The following ZNF91 variants were observed in gnomAD, a reference collection of about 807,000 sequenced individuals.
ZNF91 encodes zinc finger protein 91 (HPF7, HTF10).
Under a neutral mutation model 12.6 loss-of-function variants are expected in ZNF91, and 7 were observed. That is an observed-to-expected ratio of 0.55 (90% CI 0.31 to 1.04). The LOEUF (loss-of-function observed/expected upper bound fraction) is 1.04. ZNF91 is among the 50% of genes least tolerant of loss of function. ZNF91 has a pLI of 0.05. For missense variants in ZNF91, 1,217 were observed against 1,385.4 expected, an observed-to-expected ratio of 0.88 and a Z score of 1.93; for synonymous variants, 453 against 462.6, an observed-to-expected ratio of 0.98 and a Z score of 0.27.
At chr19:23,329,682 C>G (rs1385340300) in intron 1 of ZNF91, among the ~76,000 whole-genome samples, 1 of 152,184 alleles carries the variant, frequency 6.6e-6, no homozygotes, top group Non-Finnish European at 1.5e-5. Flanking sequence ...CTGGTGATGA[C>G]AGACTTTCTA....
rs561749000 is a variant in ZNF91, at chr19:23,350,841, T to A, written c.254-11787A>T. Reference sequence around the variant, plus strand: ...GGGACACTTCCTTTTTACAGAGGACTATAAAACCCCTGCCCTGTCCTTACT... The same window carrying A: ...GGGACACTTCCTTTTTACAGAGGACAATAAAACCCCTGCCCTGTCCTTACT... On this transcript the variant is annotated intron_variant, in intron 3 of 3. Coordinates refer to the ZNF91 transcript ENST00000599743. Among the ~76,000 whole-genome samples the A allele has an allele frequency of 1.5e-3, 232 of 152,230 alleles. 1 individual carries two copies. The highest frequency in any genetic ancestry group is 2.3e-3 in the Non-Finnish European group (155 of 68,026).
intron 1 of ZNF91, 122 bp from the exon 2 acceptor site, chr19:23,374,886 T>A: frequency 6.9e-7 from 1 of 1,459,534 alleles, no homozygotes; most frequent in Non-Finnish European, 9.2e-7. Context: ...TGGCTGAAAT[T>A]ATCCAATAAA....
chr19:23,354,506 C>A (rs751223253), downstream of ZNF91, among the ~76,000 whole-genome samples: 19 of 152,096 alleles, frequency 1.2e-4, no homozygotes, highest in Non-Finnish European at 2.4e-4. Flanking sequence ...AAGCCCACAG[C>A]CAACATAATA....
intron 1 of ZNF91, among the ~76,000 whole-genome samples, chr19:23,394,936 A>G (rs1970183311): frequency 6.6e-6 from 1 of 152,180 alleles, no homozygotes; most frequent in Non-Finnish European, 1.5e-5. Context: ...AATTTTTAAT[A>G]GAAAAAAAGA....
chr19:23,349,904 G>A (rs1968322207), intron 3 of ZNF91, among the ~76,000 whole-genome samples: 1 of 152,212 alleles, frequency 6.6e-6, no homozygotes, highest in Non-Finnish European at 1.5e-5. Flanking sequence ...CAGGATGAAT[G>A]GCCTCCGCAA....
chr19:23,316,412 C>T (rs540820592), intron 1 of ZNF91, among the ~76,000 whole-genome samples: 72 of 152,306 alleles, frequency 4.7e-4, no homozygotes, highest in Middle Eastern at 6.8e-3. Context: ...TTGGGCCTTG[C>T]CCACAGAAAG....
chr19:23,345,966 C>T (rs1048609201), intron 3 of ZNF91, among the ~76,000 whole-genome samples: 10 of 152,088 alleles, frequency 6.6e-5, no homozygotes, highest in Middle Eastern at 3.2e-3. Context: ...TCAGCAGGAA[C>T]CACTTCCAGG....
intron 1 of ZNF91, among the ~76,000 whole-genome samples, chr19:23,394,721 C>G (rs1355128804): frequency 3.9e-5 from 6 of 152,096 alleles, no homozygotes; most frequent in Non-Finnish European, 8.8e-5. Context: ...GAGCAAAACT[C>G]CTTTTCAAAA....
At chr19:23,342,316 A>G (rs1968141805) in intron 3 of ZNF91, 1 of 401,462 alleles carries the variant, frequency 2.5e-6, no homozygotes, top group Admixed American at 3.7e-5. Flanking sequence ...CCAGTTACCA[A>G]CCTAGTACTA....
chr19:23,370,206 AG>A (rs1273990098), intron 3 of ZNF91, among the ~76,000 whole-genome samples: 2 of 152,026 alleles, frequency 1.3e-5, no homozygotes, highest in East Asian at 3.9e-4. Context: ...GATACAACGG[AG>A]TATTATTCAA....
chr19:23,367,575 G>A (rs1458247838), intron 3 of ZNF91, among the ~76,000 whole-genome samples: 2 of 152,052 alleles, frequency 1.3e-5, no homozygotes, highest in African/African-American at 4.8e-5. Context: ...TTAAAATTTT[G>A]TTACGAACTA....
downstream of ZNF91, among the ~76,000 whole-genome samples, chr19:23,356,288 C>T (rs575716038): frequency 9.2e-5 from 14 of 151,902 alleles, 1 homozygote; most frequent in South Asian, 2.5e-3. Flanking sequence ...GGAATTAACG[C>T]GTGGGTAAAG....
At chr19:23,383,834 G>A (rs1969793168) in intron 1 of ZNF91, among the ~76,000 whole-genome samples, 1 of 152,168 alleles carries the variant, frequency 6.6e-6, no homozygotes, top group Non-Finnish European at 1.5e-5. Flanking sequence ...GCATTTGGCT[G>A]GATGCAGTGG....
intron 1 of ZNF91, among the ~76,000 whole-genome samples, chr19:23,320,164 G>A (rs969802829): frequency 1.3e-5 from 2 of 152,192 alleles, no homozygotes; most frequent in African/African-American, 2.4e-5. Context: ...TCAGTCATAT[G>A]TGAACATCTG....
At chr19:23,327,090 G>A (rs930171886) in intron 1 of ZNF91, 1 of 152,102 alleles carries the variant, frequency 6.6e-6, no homozygotes, top group Non-Finnish European at 1.5e-5. Flanking sequence ...TGAGTTAATA[G>A]GAGTGTTGCT....
chr19:23,316,488 G>A (rs1315944747), intron 1 of ZNF91, among the ~76,000 whole-genome samples: 1 of 152,146 alleles, frequency 6.6e-6, no homozygotes, highest in East Asian at 1.9e-4. Flanking sequence ...CCCTGCAGGG[G>A]TTGTAACGTA....
chr19:23,359,712 T>C lies in ZNF91; in HGVS notation c.3267A>G (p.Gln1089=), dbSNP rs375072097. 43 of 1,613,648 alleles carry C rather than the reference T, an allele frequency of 2.7e-5. No individual in the cohort carries two copies. The highest frequency in any genetic ancestry group is 5.3e-5 in the African/African-American group (4 of 74,794). ...TCTTATGTCTAGTTAGGGTTGAAGA[T>C]TGGCTAAATGCTTTGCCACATTCTT... ...KCEECGKAFS[Q]SSTLTRHKRL... The change falls in exon 4 of 4, where the codon CAA becomes CAG. Residue 1089 remains glutamine (Q), a synonymous_variant. Transcript: ENST00000300619.
At chr19:23,377,340 T>C (rs1230503442) in intron 1 of ZNF91, among the ~76,000 whole-genome samples, 4 of 152,194 alleles carry the variant, frequency 2.6e-5, no homozygotes, top group Non-Finnish European at 4.4e-5. Flanking sequence ...AAACAGAAAC[T>C]GTGAAAAGGG....
chr19:23,337,122 C>T (rs1364725980), downstream of ZNF91, among the ~76,000 whole-genome samples: 1 of 151,934 alleles, frequency 6.6e-6, no homozygotes, highest in African/African-American at 2.4e-5. Context: ...AATTTCTCAC[C>T]ATCTACCCCA....
Sources: allele counts gnomAD v4.1 joint callset (sites outside exome capture counted in the v4.1 genomes callset), GRCh38; gene constraint gnomAD v4.1.1; transcripts MANE v1.5; gene names NCBI Gene and HGNC (gene_info 2026-07-23, HGNC 2026-07-21).